KIF13B: variants seen among roughly 807,000 people sequenced by gnomAD.
KIF13B encodes kinesin-like protein KIF13B.
Under a neutral mutation model 222.0 loss-of-function variants are expected in KIF13B, and 127 were observed. The observed-to-expected ratio is 0.57, with a 90% confidence interval of 0.50 to 0.66. The LOEUF (loss-of-function observed/expected upper bound fraction) is 0.66, where lower values mean the gene tolerates loss of function less well. KIF13B is among the 30% of genes least tolerant of loss of function. The pLI is 0.00. For missense variants in KIF13B, 2,173 were observed against 2,379.0 expected, an observed-to-expected ratio of 0.91 and a Z score of 1.80; for synonymous variants, 976 against 919.0, an observed-to-expected ratio of 1.06 and a Z score of -1.12.
At chr8:29,248,457 G>A (rs1350253370) in intron 1 of KIF13B, among the ~76,000 whole-genome samples, 1 of 152,210 alleles carries the variant, frequency 6.6e-6, no homozygotes, top group African/African-American at 2.4e-5. Flanking sequence ...ACAGTTTCAC[G>A]TGACTAGGGA....
intron 33 of KIF13B, 29 bp from the exon 34 acceptor site, chr8:29,109,540 A>C (rs1809255946): frequency 6.3e-7 from 1 of 1,577,908 alleles, no homozygotes; most frequent in Non-Finnish European, 8.7e-7. Context: ...ACAGAGGAAA[A>C]AGACATGTAA....
At chr8:29,208,305 T>C (rs1035276998) in intron 2 of KIF13B, among the ~76,000 whole-genome samples, 6 of 152,214 alleles carry the variant, frequency 3.9e-5, no homozygotes, top group African/African-American at 1.4e-4. Flanking sequence ...TATTAATTTA[T>C]TGGCAATTAC....
rs1807225932 is a variant in KIF13B, at chr8:29,070,733, T to C, written c.5252A>G (p.Tyr1751Cys). The change falls in exon 40 of 40, where the codon TAC (tyrosine) becomes TGC (cysteine). Residue 1751 changes from tyrosine to cysteine, a missense_variant. By Grantham distance (194) the Tyr-to-Cys change is radical (BLOSUM62 -2). Around this residue, in one of 2 missense-constraint regions of KIF13B, gnomAD observed 693 missense variants for 656.2 expected, o/e 1.06. Coordinates refer to ENST00000524189, the MANE Select transcript of KIF13B (RefSeq NM_015254.4). This position sits in a 1 kb window ranked among gnomAD's most constrained non-coding sequence, Gnocchi z 4.1. ...CCCGTAGCCAGGGTTACACCTGAAG[T>C]ACTGCTTCCCGCCGATGGAACCGTC... ...KNDGSIGGKQ[Y>C]FRCNPGYGLL... 2.6e-6 allele frequency: 4 copies of C among 1,564,940 alleles called. No homozygotes were observed. The highest frequency in any genetic ancestry group is 3.5e-6 in the Non-Finnish European group (4 of 1,155,312).
chr8:29,113,372 T>G (rs1809444619), intron 32 of KIF13B, 91 bp downstream of exon 32: 1 of 690,804 alleles, frequency 1.4e-6, no homozygotes, highest in Non-Finnish European at 2.4e-6. Flanking sequence ...ACACTTTCAC[T>G]TCATATGTAT....
intron 5 of KIF13B, among the ~76,000 whole-genome samples, chr8:29,187,806 T>G (rs1813007063): frequency 6.6e-6 from 1 of 152,182 alleles, no homozygotes; most frequent in African/African-American, 2.4e-5. Flanking sequence ...AGGACTTCTG[T>G]AAAAAGTTTG....
intron 12 of KIF13B, among the ~76,000 whole-genome samples, chr8:29,163,879 GC>G (rs1202500212): frequency 2.0e-5 from 3 of 152,212 alleles, no homozygotes; most frequent in African/African-American, 7.2e-5. Context: ...TGTTGGAGCA[GC>G]TCAGAATGGC....
At chr8:29,140,780 G>T in intron 19 of KIF13B, 163 bp from the exon 20 acceptor site, 1 of 636,242 alleles carries the variant, frequency 1.6e-6, no homozygotes, top group Non-Finnish European at 2.7e-6. Flanking sequence ...CTAAAGCACA[G>T]CGCTGTATTA....
chr8:29,262,905 C>CG, intron 1 of KIF13B, 75 bp downstream of exon 1: 1 of 1,273,392 alleles, frequency 7.9e-7, no homozygotes, highest in Non-Finnish European at 1.1e-6. Flanking sequence ...CCGGACCCCC[C>CG]ACGGCGGCCG....
rs750097649 is a variant in KIF13B at position 29,070,552 on chromosome 8, G to A, written c.5433C>T (p.Ala1811=). Residue 1811 remains alanine, a synonymous_variant, in exon 40 of 40, where the codon GCC becomes GCT. Transcript: ENST00000524189. The surrounding 1 kb of genome is among the most constrained non-coding windows in gnomAD (Gnocchi z 4.1). ...TCTCAGGGTTCTTGTGGCTCCTGTC[G>A]GCCTTGGCCAGGGCAGCTGTCAGCG... ...LASLTAALAK[A]DRSHKNPENR... is the part of the protein sequence containing the mutation. 1.6e-5 allele frequency: 26 copies of A among 1,608,762 alleles called. No individual in the cohort carries two copies. The highest frequency in any genetic ancestry group is 4.5e-5 in the East Asian group (2 of 44,768).
intron 15 of KIF13B, 63 bp downstream of exon 15, chr8:29,150,234 G>A: frequency 1.1e-6 from 1 of 874,918 alleles, no homozygotes; most frequent in Non-Finnish European, 1.8e-6. Context: ...TTTTTAACAT[G>A]TATTTTCTAT....
rs139434080 is a variant in KIF13B, at chr8:29,115,480, C to G, written c.3837+1351G>C. ...TAGCTGAGATTGCAGGCACCCACCA[C>G]CACACCCAGCTAATTTTGTAGTTTT... On this transcript the variant is annotated intron_variant, in intron 31 of 39. Coordinates refer to ENST00000524189, the MANE Select transcript of KIF13B (RefSeq NM_015254.4). 3.9e-5 allele frequency among the ~76,000 whole-genome samples: 6 copies of G among 152,142 alleles called. 1 individual carries two copies. The East Asian group carries it at 1.2e-3, about 29-fold the overall frequency.
In KIF13B at chr8:29,067,342, G is replaced by A. The variant is rs1160115681; in HGVS notation, c.*3162C>T. 6.6e-6 allele frequency: 1 copy of A among 152,514 alleles called. No homozygotes were observed. Among genetic ancestry groups the A allele is most frequent in the African/African-American group, 2.4e-5 (1 of 41,424 alleles). The allele number at this position is 152,514 out of a possible 1,614,324, so 9.4% of individuals were successfully genotyped here. On this transcript the variant is annotated 3_prime_UTR_variant, in exon 40 of 40. Transcript: ENST00000524189. The stretch of plus-strand genomic sequence containing the variant: ...GGTCATTTGATGGAAAGACACATAC[G>A]GTACAAAATTACAGGTGGTTTAGTT...
intron 21 of KIF13B, among the ~76,000 whole-genome samples, chr8:29,138,811 T>A (rs1002342459): frequency 6.6e-6 from 1 of 151,860 alleles, no homozygotes; most frequent in Non-Finnish European, 1.5e-5. Flanking sequence ...AGCGAGCGAG[T>A]GAGAGAGCAC....
intron 2 of KIF13B, among the ~76,000 whole-genome samples, chr8:29,203,221 C>T (rs573923375): frequency 1.6e-4 from 24 of 152,304 alleles, no homozygotes; most frequent in Admixed American, 1.4e-3. Flanking sequence ...TGGCCCCTTT[C>T]TCTATCTCCA....
intron 1 of KIF13B, 48 bp from the exon 2 acceptor site, chr8:29,245,487 TTTCAGAAAAGGCAAAA>T (rs1280193135): frequency 2.1e-6 from 3 of 1,409,524 alleles, no homozygotes; most frequent in Admixed American, 2.4e-5. Flanking sequence ...AAGTAATTTA[TTTCAGAAAAGGCAAAA>T]TTCAGAAAAG....
chr8:29,156,573 G>C (rs1811536797), intron 13 of KIF13B, among the ~76,000 whole-genome samples: 1 of 151,800 alleles, frequency 6.6e-6, no homozygotes, highest in African/African-American at 2.4e-5. Flanking sequence ...GGAGTGCAGA[G>C]ACACTATCCA....
intron 37 of KIF13B, among the ~76,000 whole-genome samples, chr8:29,083,161 C>T (rs1462971271): frequency 1.3e-5 from 2 of 152,028 alleles, no homozygotes; most frequent in Admixed American, 6.6e-5. Flanking sequence ...TTGTCGCCAG[C>T]TTAATATGCG....
intron 2 of KIF13B, among the ~76,000 whole-genome samples, chr8:29,204,194 T>C (rs1320357366): frequency 6.6e-6 from 1 of 152,200 alleles, no homozygotes; most frequent in Non-Finnish European, 1.5e-5. Context: ...CCAAGCAATA[T>C]GGCCACTGAA....
chr8:29,194,291 T>A (rs773202399), intron 3 of KIF13B, among the ~76,000 whole-genome samples: 2 of 18,470 alleles, frequency 1.1e-4, no homozygotes, highest in African/African-American at 2.8e-4. Flanking sequence ...TATTATTGGG[T>A]TTTTTTTTTT....
Sources: allele counts gnomAD v4.1 joint callset (sites outside exome capture counted in the v4.1 genomes callset), GRCh38; gene constraint gnomAD v4.1.1; regional missense constraint gnomAD v4.1.1; non-coding constraint Gnocchi (gnomAD v3.1); transcripts MANE v1.5; gene names NCBI Gene and HGNC (gene_info 2026-07-23, HGNC 2026-07-21).